SLC35F1: variants seen among roughly 807,000 people sequenced by gnomAD.
The protein encoded by SLC35F1 is solute carrier family 35 member F1, also known as chromosome 6 open reading frame 169.
In SLC35F1, 14 loss-of-function variants were observed where a neutral mutation model predicts 48.7. The ratio of observed to expected loss-of-function variants is 0.29; its 90% CI spans 0.19 to 0.45. SLC35F1 has a LOEUF of 0.45. Among genes scored for constraint, SLC35F1 ranks in the 20% least tolerant of loss-of-function variants. The pLI is 1.00. For missense variants in SLC35F1, 404 were observed against 500.0 expected (o/e 0.81, Z 1.83); for synonymous variants, 190 against 202.2 (o/e 0.94, Z 0.51).
At chr6:118,165,679 T>C (rs527717494) in intron 2 of SLC35F1, among the ~76,000 whole-genome samples, 1 of 152,280 alleles carries the variant, frequency 6.6e-6, no homozygotes, top group African/African-American at 2.4e-5. Context: ...TAATTTCCAT[T>C]TGGCCTGCTG....
chr6:118,224,157 C>T (rs1775186282), intron 2 of SLC35F1, among the ~76,000 whole-genome samples: 1 of 152,176 alleles, frequency 6.6e-6, no homozygotes. Flanking sequence ...TATATGAATA[C>T]ATAGTTTCAT....
chr6:118,240,981 A>G (rs936324640), intron 3 of SLC35F1, among the ~76,000 whole-genome samples: 1 of 152,188 alleles, frequency 6.6e-6, no homozygotes, highest in Non-Finnish European at 1.5e-5. Flanking sequence ...AAAATTTTTA[A>G]TCTGCAAGGT....
rs117931145 is a variant in SLC35F1 at position 118,309,308 on chromosome 6, T to C, written c.1003-4720T>C. Among the ~76,000 whole-genome samples, 28 of 152,006 alleles carry C rather than the reference T, an allele frequency of 1.8e-4. No homozygotes were observed. The East Asian group carries it at 4.8e-3, about 26-fold the overall frequency. ...CTCCTGCCTCAGCCTCCTGAGTAGC[T>C]AGGACTACAGGCATGCATTACCACA... On this transcript the variant is annotated intron_variant, in intron 7 of 7. Coordinates refer to ENST00000360388, the MANE Select transcript of SLC35F1 (RefSeq NM_001029858.4).
chr6:118,055,802 G>A (rs530048259), intron 1 of SLC35F1, among the ~76,000 whole-genome samples: 1 of 152,312 alleles, frequency 6.6e-6, no homozygotes, highest in East Asian at 1.9e-4. Context: ...GCTCACATGC[G>A]TAAGCTGCTA....
chr6:117,964,901 T>G (rs1020098083), intron 1 of SLC35F1, among the ~76,000 whole-genome samples: 1 of 152,118 alleles, frequency 6.6e-6, no homozygotes, highest in Non-Finnish European at 1.5e-5. Flanking sequence ...TGACTAAAGT[T>G]AGGGGTTCAT....
chr6:118,041,212 T>C (rs1229409491), intron 1 of SLC35F1, among the ~76,000 whole-genome samples: 1 of 152,148 alleles, frequency 6.6e-6, no homozygotes, highest in African/African-American at 2.4e-5. Context: ...AATATGAAGA[T>C]TTATAAAGGA....
chr6:117,940,894 C>T (rs948997134), intron 1 of SLC35F1, among the ~76,000 whole-genome samples: 2 of 152,126 alleles, frequency 1.3e-5, no homozygotes, highest in African/African-American at 4.8e-5. Context: ...AGTGATCCAC[C>T]CACCTGGGCC....
At chr6:117,968,261 T>G (rs1776596328) in intron 1 of SLC35F1, among the ~76,000 whole-genome samples, 1 of 152,170 alleles carries the variant, frequency 6.6e-6, no homozygotes, top group South Asian at 2.1e-4. Context: ...GATTAACTGA[T>G]TTTGTGGGCT....
chr6:118,306,362 C>A (rs1207578714), intron 7 of SLC35F1, among the ~76,000 whole-genome samples: 1 of 152,224 alleles, frequency 6.6e-6, no homozygotes, highest in Non-Finnish European at 1.5e-5. Flanking sequence ...CCCCTTGATT[C>A]CATTGTAATG....
intron 2 of SLC35F1, among the ~76,000 whole-genome samples, chr6:118,184,553 A>T (rs1276378664): frequency 6.6e-6 from 1 of 152,164 alleles, no homozygotes; most frequent in Non-Finnish European, 1.5e-5. Context: ...ATTTCTAGGG[A>T]GGGTCCAGCA....
rs1201089060 is a variant in SLC35F1, at chr6:118,005,911, C to G, written c.173+98012C>G. 6.6e-5 allele frequency among the ~76,000 whole-genome samples: 10 copies of G among 152,254 alleles called. No homozygotes were observed. In the East Asian group the frequency reaches 1.9e-3, roughly 29 times the overall value. ...CACTTACTGCTTCTACAACTTACAT[C>G]CCAGCCTACCTTGGCACATAGATGC... On this transcript the variant is annotated intron_variant, in intron 1 of 7. Coordinates refer to ENST00000360388, the MANE Select transcript of SLC35F1 (RefSeq NM_001029858.4).
At chr6:118,284,213 C>G (rs1204434952) in intron 6 of SLC35F1, among the ~76,000 whole-genome samples, 1 of 152,198 alleles carries the variant, frequency 6.6e-6, no homozygotes, top group Non-Finnish European at 1.5e-5. Flanking sequence ...CTGCCCACAG[C>G]CCACACCAGA....
chr6:117,957,171 C>G (rs1582584919), intron 1 of SLC35F1, among the ~76,000 whole-genome samples: 1 of 152,132 alleles, frequency 6.6e-6, no homozygotes, highest in South Asian at 2.1e-4. Context: ...CTGGGTAAAA[C>G]AAATATTTAT....
chr6:118,269,677 C>T (rs1020153532), intron 4 of SLC35F1, among the ~76,000 whole-genome samples: 1 of 151,880 alleles, frequency 6.6e-6, no homozygotes, highest in Non-Finnish European at 1.5e-5. Context: ...ATTAATCAGC[C>T]AGGGTCACAA....
intron 1 of SLC35F1, among the ~76,000 whole-genome samples, chr6:117,952,841 T>C (rs1776381731): frequency 1.3e-5 from 2 of 152,212 alleles, no homozygotes; most frequent in South Asian, 2.1e-4. Flanking sequence ...AAGAAGAACC[T>C]AATTTGGGGA....
At chr6:117,962,946 A>C (rs1776517359) in intron 1 of SLC35F1, among the ~76,000 whole-genome samples, 1 of 151,854 alleles carries the variant, frequency 6.6e-6, no homozygotes, top group Non-Finnish European at 1.5e-5. Context: ...TCATTCCATC[A>C]CTTCCTACCT....
chr6:117,985,674 CTG>C (rs1343577838), intron 1 of SLC35F1, among the ~76,000 whole-genome samples: 7 of 152,190 alleles, frequency 4.6e-5, no homozygotes, highest in Admixed American at 4.6e-4. Context: ...TTCAGAGAAA[CTG>C]TGAATACCTC....
At chr6:118,062,028 C>T (rs1772548623) in intron 1 of SLC35F1, among the ~76,000 whole-genome samples, 1 of 151,682 alleles carries the variant, frequency 6.6e-6, no homozygotes, top group Admixed American at 6.6e-5. Context: ...TAGTTTTACC[C>T]ATATTCTAGT....
At chr6:118,202,834 G>A (rs770391822) in intron 2 of SLC35F1, among the ~76,000 whole-genome samples, 14 of 152,176 alleles carry the variant, frequency 9.2e-5, no homozygotes, top group Non-Finnish European at 1.6e-4. Context: ...CTGTCATCAG[G>A]GAAGGCCTCT....
Sources: gnomAD v4.1 joint callset for allele counts (sites outside exome capture counted in the v4.1 genomes callset) on GRCh38, gnomAD v4.1.1 for gene constraint, MANE v1.5 for transcripts, NCBI Gene and HGNC (gene_info 2026-07-23, HGNC 2026-07-21) for gene names.